Variants in PRCC observed in about 807,000 individuals in gnomAD.
PRCC encodes the protein proline rich mitotic checkpoint control factor.
A neutral mutation model predicts 44.0 loss-of-function variants in PRCC; 10 were observed. The ratio of observed to expected loss-of-function variants is 0.23; its 90% confidence interval spans 0.14 to 0.39. PRCC has a LOEUF of 0.39. Among genes scored for constraint, PRCC ranks in the 10% least tolerant of loss-of-function variants. The pLI is 1.00. For missense variants in PRCC, 573 were observed against 624.7 expected (o/e 0.92, Z 0.88); for synonymous variants, 278 against 259.5 (o/e 1.07, Z -0.69).
At chr1:156,779,364 A>C (rs1355824457) in intron 1 of PRCC, among the ~76,000 whole-genome samples, 3 of 150,032 alleles carry the variant, frequency 2.0e-5, no homozygotes, top group Admixed American at 1.3e-4. Flanking sequence ...TATTTTAATT[A>C]TTATTATTAT....
Position 156,797,283 on chromosome 1 carries a change from G to T in PRCC, c.1331G>T (p.Gly444Val). The part of the protein sequence containing the change: ...KTMKSFSKKK[G>V]EQPTGQQRRK... The stretch of plus-strand genomic sequence containing the variant: ...TGTTTTCTTCTCTTGCAGAAGAAAG[G>T]TGAGCAGCCAACAGGCCAGCAGCGG... The change falls in exon 6 of 7, where the codon GGT becomes GTT. Residue 444 changes from glycine to valine, a missense_variant. By Grantham distance (109) the Gly-to-Val change is moderately radical. This residue lies in a region of PRCC where 69 missense variants were observed against 139.3 expected (regional missense o/e 0.50). Transcript: ENST00000271526. 1 of 1,614,168 alleles carries T rather than the reference G, an allele frequency of 6.2e-7. No homozygotes were observed. Among genetic ancestry groups the T allele is most frequent in the Non-Finnish European group, 8.5e-7 (1 of 1,180,018 alleles).
intron 2 of PRCC, among the ~76,000 whole-genome samples, chr1:156,782,760 G>A (rs985181130): frequency 6.6e-6 from 1 of 152,154 alleles, no homozygotes; most frequent in Non-Finnish European, 1.5e-5. Flanking sequence ...TGCTTTACTA[G>A]CATTTAATTG....
rs769225765 is a variant in PRCC, at chr1:156,767,684, G to A, written c.-88G>A. On this transcript the variant is annotated 5_prime_UTR_variant, in exon 1 of 7. Transcript: ENST00000271526. ...GACTTTTCGGTTCCCCGCCCCGCCAGGTGGCGGGGCCTACTAGGCCTCCGG... is the reference window on the plus strand; with the variant it reads ...GACTTTTCGGTTCCCCGCCCCGCCAAGTGGCGGGGCCTACTAGGCCTCCGG... 1.9e-5 allele frequency: 25 copies of A among 1,348,866 alleles called. No individual in the cohort carries two copies. The highest frequency in any genetic ancestry group is 2.5e-5 in the Non-Finnish European group (25 of 1,006,760). The allele number at this position is 1,348,866 out of a possible 1,614,324, so 83.6% of individuals were successfully genotyped here.
At position 156,788,335 on chromosome 1, in the gene PRCC, CT is replaced by C. The variant is rs1280242515; in HGVS notation, c.1083+1169del. Among the ~76,000 whole-genome samples the C allele has an allele frequency of 6.6e-5, 10 of 151,952 alleles. No individual in the cohort carries two copies. The East Asian group carries it at 7.7e-4, about 12-fold the overall frequency. On this transcript the variant is annotated intron_variant, in intron 3 of 6. Transcript: ENST00000271526. ...CTGCTGCAAAGGACATGATTTTGTT[CT>C]TTTTTTTATGGCTGTGTAGTATTCC...
rs566969720 is a variant in PRCC at position 156,800,515 on chromosome 1, C to G, written c.*55C>G. On this transcript the variant is annotated 3_prime_UTR_variant, in exon 7 of 7. Transcript: ENST00000271526. ...CCTGCCAGCCCAGCTGGCCTGGCCC[C>G]CAGCTTCACCTCTGGGACCCCAGCT... is the stretch of plus-strand genomic sequence containing the variant. 1.9e-6 allele frequency: 3 copies of G among 1,576,786 alleles called. No homozygotes were observed. Among genetic ancestry groups the G allele is most frequent in the East Asian group, 2.2e-5 (1 of 44,648 alleles).
Position 156,768,017 on chromosome 1 carries a change from C to G in PRCC, c.246C>G (p.Pro82=). The change falls in exon 1 of 7, where the codon CCC becomes CCG. Residue 82 remains proline (P), a synonymous_variant. Transcript: ENST00000271526. ...TGDPRLQPPP[P]LPFGLGGFPP... is the part of the protein sequence containing the mutation. ...ACCCCAGGCTTCAGCCTCCTCCCCC[C>G]TTGCCCTTCGGCCTGGGAGGCTTCC... is the stretch of plus-strand genomic sequence containing the variant. The G allele has an allele frequency of 6.4e-7, 1 of 1,570,162 alleles. No homozygotes were observed. Among genetic ancestry groups the G allele is most frequent in the Non-Finnish European group, 8.6e-7 (1 of 1,156,482 alleles).
chr1:156,767,571 C>CTTAAGTGA lies in PRCC; in HGVS notation c.-200_-193dup, dbSNP rs1274068368. On this transcript the variant is annotated 5_prime_UTR_variant, in exon 1 of 7. Transcript: ENST00000271526. ...GTGTGTAGTTGCCCGGGACTAGGAGCTTAAGTGAAGAGGTACGCCTTGTTC... is the reference window on the plus strand; with the variant it reads ...GTGTGTAGTTGCCCGGGACTAGGAGCTTAAGTGATTAAGTGAAGAGGTACGCCTTGTTC... The CTTAAGTGA allele has an allele frequency of 3.3e-6, 2 of 601,078 alleles. No individual in the cohort carries two copies. The highest frequency in any genetic ancestry group is 5.8e-5 in the East Asian group (2 of 34,692). 37.2% of individuals were successfully genotyped at this position (601,078 alleles called of 1,614,324 possible). A position where few individuals can be genotyped will look rare whatever the true frequency, so the allele number is the denominator to read the frequency against.
chr1:156,785,815 C>CTTT lies in PRCC; in HGVS notation c.517-781_517-779dup, dbSNP rs11371012. 7.8e-4 allele frequency among the ~76,000 whole-genome samples: 109 copies of CTTT among 140,638 alleles called. 1 individual carries two copies. Among genetic ancestry groups the CTTT allele is most frequent in the Admixed American group, 5.0e-3 (70 of 14,048 alleles). 92.3% of individuals were successfully genotyped at this position (140,638 alleles called of 152,430 possible). On this transcript the variant is annotated intron_variant, in intron 2 of 6. Coordinates refer to ENST00000271526, the MANE Select transcript of PRCC (RefSeq NM_005973.5). Reference sequence around the variant, plus strand: ...TTTCTCCCTTGGTCAGGGGAAGGGACTTTTTTTTTTTTTTGAGAAGGGGTC... The same window carrying CTTT: ...TTTCTCCCTTGGTCAGGGGAAGGGACTTTTTTTTTTTTTTTTTGAGAAGGGGTC...
chr1:156,800,492 T>C lies in PRCC; in HGVS notation c.*32T>C. The C allele has an allele frequency of 6.2e-7, 1 of 1,611,342 alleles. No homozygotes were observed. Among genetic ancestry groups the C allele is most frequent in the African/African-American group, 1.3e-5 (1 of 74,986 alleles). On this transcript the variant is annotated 3_prime_UTR_variant, in exon 7 of 7. Coordinates refer to ENST00000271526, the MANE Select transcript of PRCC (RefSeq NM_005973.5). ...GGAACTGATTGCTCCCAGGATCTCC[T>C]GCCAGCCCAGCTGGCCTGGCCCCCA...
chr1:156,782,665 A>G (rs1652088697), intron 2 of PRCC, among the ~76,000 whole-genome samples: 1 of 152,216 alleles, frequency 6.6e-6, no homozygotes, highest in African/African-American at 2.4e-5. Flanking sequence ...TGATGTTAAA[A>G]TTGTCTGTCT....
At chr1:156,779,608 ACC>A (rs1651977964) in intron 1 of PRCC, among the ~76,000 whole-genome samples, 1 of 152,078 alleles carries the variant, frequency 6.6e-6, no homozygotes, top group Non-Finnish European at 1.5e-5. Context: ...ACCTCAAGTG[ACC>A]TGTCTTCCTT....
At chr1:156,787,404 CTATT>C (rs1170481207) in intron 3 of PRCC, among the ~76,000 whole-genome samples, 16 of 140,322 alleles carry the variant, frequency 1.1e-4, no homozygotes, top group South Asian at 4.6e-4. Context: ...TGAAAACAAT[CTATT>C]TATTTTTTAT....
At chr1:156,779,126 ATATTTTTTTTTTTTTTTTT>A (rs1459046759) in intron 1 of PRCC, among the ~76,000 whole-genome samples, 18 of 29,338 alleles carry the variant, frequency 6.1e-4, no homozygotes, top group African/African-American at 1.9e-3. Context: ...ATATATATAT[ATATTTTTTTTTTTTTTTTT>A]TTTTTTTTTT....
chr1:156,775,509 A>T (rs1651794206), intron 1 of PRCC, among the ~76,000 whole-genome samples: 1 of 134,702 alleles, frequency 7.4e-6, no homozygotes, highest in African/African-American at 2.5e-5. Context: ...TGGCCGATTT[A>T]AAATTTTTTT....
At chr1:156,798,491 T>C (rs546319976) in intron 6 of PRCC, among the ~76,000 whole-genome samples, 1 of 152,360 alleles carries the variant, frequency 6.6e-6, no homozygotes, top group South Asian at 2.1e-4. Context: ...TTTCTTGTAA[T>C]GTCATGACTT....
chr1:156,775,374 A>G (rs1651788285), intron 1 of PRCC, among the ~76,000 whole-genome samples: 1 of 150,018 alleles, frequency 6.7e-6, no homozygotes, highest in Non-Finnish European at 1.5e-5. Flanking sequence ...TTTTGGAGAC[A>G]GGGTCCTGCT....
intron 1 of PRCC, among the ~76,000 whole-genome samples, chr1:156,770,169 A>G (rs773970319): frequency 1.3e-5 from 2 of 152,116 alleles, no homozygotes; most frequent in Non-Finnish European, 2.9e-5. Flanking sequence ...GTGGCAGAAA[A>G]CTCTGAAGAC....
chr1:156,800,016 A>G (rs1219289701), intron 6 of PRCC, among the ~76,000 whole-genome samples: 1 of 152,120 alleles, frequency 6.6e-6, no homozygotes. Context: ...GGTGTCTAAG[A>G]GAGCTGATTG....
At chr1:156,789,003 T>C (rs748382406) in intron 3 of PRCC, among the ~76,000 whole-genome samples, 1 of 151,964 alleles carries the variant, frequency 6.6e-6, no homozygotes, top group Non-Finnish European at 1.5e-5. Flanking sequence ...GGAGTCTTGC[T>C]CTGTCACCCA....
Sources: allele counts gnomAD v4.1 joint callset (sites outside exome capture counted in the v4.1 genomes callset), GRCh38; gene constraint gnomAD v4.1.1; regional missense constraint gnomAD v4.1.1; transcripts MANE v1.5; gene names NCBI Gene and HGNC (gene_info 2026-07-23, HGNC 2026-07-21).